The following ACVR1 variants were observed in gnomAD, a reference collection of about 807,000 sequenced individuals.
ACVR1 encodes the protein activin receptor type-1.
ACVR1 carries 38 observed loss-of-function variants against 57.1 expected under a neutral mutation model. The observed-to-expected ratio is 0.67, with a 90% CI of 0.51 to 0.87. The LOEUF (loss-of-function observed/expected upper bound fraction) is 0.87. ACVR1 is among the 40% of genes least tolerant of loss of function. The pLI is 0.00. For missense variants in ACVR1, 463 were observed against 638.2 expected (o/e 0.73, Z 2.96); for synonymous variants, 212 against 228.1 (o/e 0.93, Z 0.63).
chr2:157,805,523 T>C (rs1687487104), intron 2 of ACVR1, among the ~76,000 whole-genome samples: 1 of 152,342 alleles, frequency 6.6e-6, no homozygotes, highest in East Asian at 1.9e-4. Context: ...TTAGGCATTC[T>C]GTACTATGCC....
chr2:157,863,487 A>T (rs1175887443), intron 1 of ACVR1, among the ~76,000 whole-genome samples: 1 of 150,274 alleles, frequency 6.7e-6, no homozygotes, highest in Non-Finnish European at 1.5e-5. Flanking sequence ...ACCTGTGGTC[A>T]GGAGTTCGAG....
chr2:157,857,224 T>A (rs1210560865), intron 1 of ACVR1, among the ~76,000 whole-genome samples: 1 of 151,600 alleles, frequency 6.6e-6, no homozygotes, highest in Non-Finnish European at 1.5e-5. Context: ...AAAAAGAAAA[T>A]ACACAATTCT....
chr2:157,772,134 A>G (rs1247318467), intron 6 of ACVR1, among the ~76,000 whole-genome samples: 1 of 152,236 alleles, frequency 6.6e-6, no homozygotes, highest in African/African-American at 2.4e-5. Context: ...GTAAATTAAA[A>G]TAGAAATATT....
intron 9 of ACVR1, among the ~76,000 whole-genome samples, chr2:157,745,997 T>C (rs186259497): frequency 6.6e-6 from 1 of 152,332 alleles, no homozygotes; most frequent in East Asian, 1.9e-4. Flanking sequence ...TCAGCAAGGA[T>C]TTTTCTACAA....
chr2:157,853,218 T>C (rs779497741), intron 1 of ACVR1, among the ~76,000 whole-genome samples: 7 of 152,168 alleles, frequency 4.6e-5, no homozygotes, highest in Non-Finnish European at 7.3e-5. Flanking sequence ...TAAAACATCA[T>C]AGATTGGGTG....
chr2:157,865,446 C>A (rs974793213), intron 1 of ACVR1, among the ~76,000 whole-genome samples: 1 of 152,140 alleles, frequency 6.6e-6, no homozygotes, highest in African/African-American at 2.4e-5. Flanking sequence ...CAATTCCAAT[C>A]CTTGGTATTT....
At chr2:157,788,473 T>C (rs984037470) in intron 3 of ACVR1, among the ~76,000 whole-genome samples, 5 of 152,210 alleles carry the variant, frequency 3.3e-5, no homozygotes, top group Non-Finnish European at 7.3e-5. Flanking sequence ...ATGTCTTGGT[T>C]ACCAGATCCA....
At chr2:157,817,122 G>A (rs1687967575) in intron 2 of ACVR1, among the ~76,000 whole-genome samples, 1 of 151,968 alleles carries the variant, frequency 6.6e-6, no homozygotes, top group Non-Finnish European at 1.5e-5. Flanking sequence ...AACACACCTG[G>A]CTAATTTTTT....
chr2:157,755,188 T>G (rs1037021544), intron 9 of ACVR1, among the ~76,000 whole-genome samples: 4 of 152,122 alleles, frequency 2.6e-5, no homozygotes, highest in Non-Finnish European at 4.4e-5. Flanking sequence ...GCATTCCCTC[T>G]GAGAATTGTA....
chr2:157,749,939 T>C (rs188866452), intron 9 of ACVR1, among the ~76,000 whole-genome samples: 3 of 152,372 alleles, frequency 2.0e-5, no homozygotes, highest in Admixed American at 2.0e-4. Flanking sequence ...AGGGCCCATG[T>C]GCATCATCTG....
intron 1 of ACVR1, among the ~76,000 whole-genome samples, chr2:157,830,392 TC>T (rs57594770): frequency 0.063 from 9,661 of 152,280 alleles, 359 homozygotes; most frequent in East Asian, 0.12. Context: ...GAACCCATTT[TC>T]AGTGTTGTCA....
Position 157,757,605 on chromosome 2 carries a change from T to G in ACVR1, c.1264+3275A>C, listed in dbSNP as rs914049868. On this transcript the variant is annotated intron_variant, in intron 9 of 10. Transcript: ENST00000434821. The stretch of plus-strand genomic sequence containing the variant: ...AGAATGGGATGACATATTCAAATGT[T>G]GAAAGAAAAAACAAAACTGTCAGCC... Among the ~76,000 whole-genome samples the G allele has an allele frequency of 3.3e-5, 5 of 151,830 alleles. No homozygotes were observed. The South Asian group carries it at 8.3e-4, about 25-fold the overall frequency.
At chr2:157,857,363 T>G (rs1223820732) in intron 1 of ACVR1, among the ~76,000 whole-genome samples, 3 of 150,858 alleles carry the variant, frequency 2.0e-5, no homozygotes, top group African/African-American at 7.3e-5. Flanking sequence ...AATGAACACA[T>G]GGTCCCCGTC....
chr2:157,838,382 T>C (rs937794314), intron 1 of ACVR1: 1 of 152,258 alleles, frequency 6.6e-6, no homozygotes, highest in Non-Finnish European at 1.5e-5. Context: ...AAGTTGCTTA[T>C]TGGTACTGTT....
chr2:157,871,137 G>A (rs1053065507), intron 1 of ACVR1, among the ~76,000 whole-genome samples: 12 of 152,214 alleles, frequency 7.9e-5, no homozygotes, highest in African/African-American at 2.7e-4. Context: ...AGTTGGTGAA[G>A]AGCAATGACT....
intron 1 of ACVR1, among the ~76,000 whole-genome samples, chr2:157,826,246 C>T (rs1688344529): frequency 6.6e-6 from 1 of 152,176 alleles, no homozygotes. Flanking sequence ...AGCAAAACTT[C>T]AACGAGGAGC....
At chr2:157,760,236 A>G (rs1465564776) in intron 9 of ACVR1, among the ~76,000 whole-genome samples, 1 of 152,146 alleles carries the variant, frequency 6.6e-6, no homozygotes, top group African/African-American at 2.4e-5. Context: ...GGAGCTAAAA[A>G]AGTTGATCTC....
chr2:157,742,948 G>C (rs1468418792), intron 9 of ACVR1, among the ~76,000 whole-genome samples: 3 of 152,076 alleles, frequency 2.0e-5, no homozygotes, highest in African/African-American at 7.2e-5. Flanking sequence ...TGAAAAAGGA[G>C]TTCACCGTGC....
At chr2:157,841,152 C>T (rs1264703830) in intron 1 of ACVR1, among the ~76,000 whole-genome samples, 1 of 151,824 alleles carries the variant, frequency 6.6e-6, no homozygotes, top group African/African-American at 2.4e-5. Context: ...TTCTAATCCC[C>T]AAAGATCAAA....
Sources: gnomAD v4.1 joint callset for allele counts (sites outside exome capture counted in the v4.1 genomes callset) on GRCh38, gnomAD v4.1.1 for gene constraint, MANE v1.5 for transcripts, NCBI Gene and HGNC (gene_info 2026-07-23, HGNC 2026-07-21) for gene names.